The following PKIB variants were observed in gnomAD, a reference collection of about 807,000 sequenced individuals.
PKIB encodes PKI-beta.
In PKIB, 2 loss-of-function variants were observed where a neutral mutation model predicts 4.5. The observed-to-expected ratio is 0.44, with a 90% CI of 0.18 to 1.39. The LOEUF is 1.39. PKIB is among the 40% of genes most tolerant of loss of function. The pLI, the probability that PKIB is intolerant of heterozygous loss-of-function variation, is 0.27. For missense variants in PKIB, 94 were observed against 92.6 expected (o/e 1.02, Z -0.06); for synonymous variants, 38 against 36.0 (o/e 1.06, Z -0.20).
intron 3 of PKIB, among the ~76,000 whole-genome samples, chr6:122,687,505 G>C (rs2114989985): frequency 6.6e-6 from 1 of 152,256 alleles, no homozygotes; most frequent in African/African-American, 2.4e-5. Context: ...TTTCTGTGAA[G>C]AATGTCATTG....
At chr6:122,535,906 A>G (rs992368186) in intron 2 of PKIB, among the ~76,000 whole-genome samples, 3 of 152,164 alleles carry the variant, frequency 2.0e-5, no homozygotes, top group Non-Finnish European at 4.4e-5. Flanking sequence ...GTCTGTGAAC[A>G]TCATGACACT....
intron 2 of PKIB, among the ~76,000 whole-genome samples, chr6:122,537,530 A>G (rs1235221004): frequency 4.6e-5 from 7 of 152,292 alleles, no homozygotes; most frequent in South Asian, 2.1e-4. Context: ...TTATGGCTGC[A>G]TAGTATTCCA....
At chr6:122,611,394 G>A (rs749180211) in intron 1 of PKIB, among the ~76,000 whole-genome samples, 10 of 152,134 alleles carry the variant, frequency 6.6e-5, no homozygotes, top group Non-Finnish European at 1.3e-4. Flanking sequence ...AGGCATGTGG[G>A]AAGCACTAAA....
intron 3 of PKIB, among the ~76,000 whole-genome samples, chr6:122,604,799 C>T (rs954043667): frequency 2.0e-5 from 3 of 152,186 alleles, no homozygotes; most frequent in Non-Finnish European, 4.4e-5. Context: ...GTGTTCTTTT[C>T]ATATGCCCTG....
intron 2 of PKIB, among the ~76,000 whole-genome samples, chr6:122,573,585 A>C (rs1395158295): frequency 6.6e-6 from 1 of 152,086 alleles, no homozygotes; most frequent in African/African-American, 2.4e-5. Flanking sequence ...ATCACGATCA[A>C]GTGGGTTTTA....
intron 2 of PKIB, among the ~76,000 whole-genome samples, chr6:122,673,649 A>G (rs1316541582): frequency 6.6e-6 from 1 of 152,200 alleles, no homozygotes; most frequent in Non-Finnish European, 1.5e-5. Flanking sequence ...AGGTGGTAAA[A>G]TACGCATTCA....
At chr6:122,702,937 C>T (rs17733717) in intron 3 of PKIB, among the ~76,000 whole-genome samples, 26,634 of 152,002 alleles carry the variant, frequency 0.18, 2,822 homozygotes, top group Non-Finnish European at 0.23. Context: ...AGCATGATGT[C>T]GTGTACTTTC....
chr6:122,643,164 C>G (rs1776184530), intron 2 of PKIB, among the ~76,000 whole-genome samples: 1 of 152,062 alleles, frequency 6.6e-6, no homozygotes, highest in African/African-American at 2.4e-5. Flanking sequence ...TACATGTTTT[C>G]TAAACATAAG....
chr6:122,665,774 A>C (rs889463944), intron 2 of PKIB, among the ~76,000 whole-genome samples: 6 of 152,152 alleles, frequency 3.9e-5, no homozygotes, highest in African/African-American at 1.4e-4. Flanking sequence ...GGTTATTTAG[A>C]GGTAATTGTT....
chr6:122,488,326 C>G (rs1403256253), intron 2 of PKIB, among the ~76,000 whole-genome samples: 1 of 152,016 alleles, frequency 6.6e-6, no homozygotes, highest in African/African-American at 2.4e-5. Context: ...AATTATTTAT[C>G]TTGTTGCTCT....
At chr6:122,690,001 A>T (rs889890721) in intron 3 of PKIB, among the ~76,000 whole-genome samples, 1 of 152,046 alleles carries the variant, frequency 6.6e-6, no homozygotes, top group Non-Finnish European at 1.5e-5. Context: ...CTTTATCATT[A>T]TATGACCTTT....
chr6:122,520,665 A>ACCCCC (rs10650320), intron 2 of PKIB, among the ~76,000 whole-genome samples: 67 of 108,008 alleles, frequency 6.2e-4, no homozygotes, highest in African/African-American at 8.7e-4. Context: ...TTATGTTCCC[A>ACCCCC]CCCCCCCCCC....
At chr6:122,657,997 C>T (rs1450433666) in intron 2 of PKIB, among the ~76,000 whole-genome samples, 1 of 152,094 alleles carries the variant, frequency 6.6e-6, no homozygotes, top group African/African-American at 2.4e-5. Flanking sequence ...GGATTAAGCT[C>T]TTTATATCAT....
intron 2 of PKIB, among the ~76,000 whole-genome samples, chr6:122,522,171 A>T (rs181535603): frequency 5.2e-5 from 8 of 152,384 alleles, no homozygotes; most frequent in African/African-American, 1.9e-4. Flanking sequence ...TAAAGCGAGA[A>T]ATGCACATTA....
chr6:122,623,077 G>T (rs745753839), intron 1 of PKIB, among the ~76,000 whole-genome samples: 2 of 152,078 alleles, frequency 1.3e-5, no homozygotes, highest in Admixed American at 1.3e-4. Flanking sequence ...GAGAAAACCC[G>T]CCAAGCAAAT....
intron 2 of PKIB, among the ~76,000 whole-genome samples, chr6:122,576,710 A>ATATATATATATATATAT (rs59569106): frequency 6.4e-5 from 7 of 109,986 alleles, no homozygotes; most frequent in African/African-American, 1.2e-4. Flanking sequence ...ATATATATAT[A>ATATATATATATATATAT]TTTTCTTTTG....
chr6:122,573,316 C>G (rs1169709935), intron 2 of PKIB, among the ~76,000 whole-genome samples: 2 of 151,656 alleles, frequency 1.3e-5, no homozygotes, highest in Non-Finnish European at 2.9e-5. Flanking sequence ...TCACTTAAAC[C>G]CAGAAGGTTA....
At chr6:122,655,062 A>G (rs1776712229) in intron 2 of PKIB, among the ~76,000 whole-genome samples, 1 of 152,132 alleles carries the variant, frequency 6.6e-6, no homozygotes, top group Non-Finnish European at 1.5e-5. Context: ...ATCTCAGCCC[A>G]TTGCAACCTC....
At chr6:122,499,405 G>A (rs541870487) in intron 2 of PKIB, among the ~76,000 whole-genome samples, 1 of 152,194 alleles carries the variant, frequency 6.6e-6, no homozygotes, top group East Asian at 1.9e-4. Context: ...TTGGTTGAAT[G>A]TATGCAAATT....
Sources: gnomAD v4.1 joint callset for allele counts (sites outside exome capture counted in the v4.1 genomes callset) on GRCh38, gnomAD v4.1.1 for gene constraint, MANE v1.5 for transcripts, NCBI Gene and HGNC (gene_info 2026-07-23, HGNC 2026-07-21) for gene names.